VTI1A: variants seen among roughly 807,000 people sequenced by gnomAD.
VTI1A encodes vesicle transport through interaction with t-SNAREs homolog 1A.
A neutral mutation model predicts 34.9 loss-of-function variants in VTI1A; 22 were observed. That is an observed-to-expected ratio of 0.63 (90% CI 0.45 to 0.90). The LOEUF (loss-of-function observed/expected upper bound fraction) is 0.90, where lower values mean the gene tolerates loss of function less well. Ranked by LOEUF, VTI1A falls within the 40% of genes least tolerant of loss-of-function variation. The pLI, the probability that VTI1A is intolerant of heterozygous loss-of-function variation, is 0.00. For synonymous variants in VTI1A, 87 were observed against 97.3 expected (o/e 0.89, Z 0.62); for missense variants, 268 against 275.6 (o/e 0.97, Z 0.20).
Position 112,538,561 on chromosome 10 carries a change from T to C in VTI1A, c.427+231T>C, listed in dbSNP as rs7895355. 3.6e-3 allele frequency: 1,548 copies of C among 431,736 alleles called. 21 individuals carry two copies. Among genetic ancestry groups the C allele is most frequent in the African/African-American group, 0.029 (1,406 of 48,948 alleles). 26.7% of individuals were successfully genotyped at this position (431,736 alleles called of 1,614,324 possible). On this transcript the variant is annotated intron_variant, in intron 5 of 7. Coordinates refer to ENST00000393077, the MANE Select transcript of VTI1A (RefSeq NM_145206.4). ...TTAAAAGTATACATCTGAAAAGAGATGGAATACTTTGTCTAAATTCTACAT... is the reference window on the plus strand; with the variant it reads ...TTAAAAGTATACATCTGAAAAGAGACGGAATACTTTGTCTAAATTCTACAT...
intron 7 of VTI1A, among the ~76,000 whole-genome samples, chr10:112,769,432 C>G (rs759837550): frequency 1.7e-4 from 26 of 152,166 alleles, no homozygotes; most frequent in Admixed American, 6.5e-4. Flanking sequence ...AGTGAGTTGA[C>G]TTAAAGTCCA....
chr10:112,622,346 G>T (rs1355799314), intron 5 of VTI1A, among the ~76,000 whole-genome samples: 1 of 151,878 alleles, frequency 6.6e-6, no homozygotes, highest in African/African-American at 2.4e-5. Context: ...AGCTTCCTCT[G>T]CCTTTTACTG....
chr10:112,555,510 A>G (rs1851512102), intron 5 of VTI1A, among the ~76,000 whole-genome samples: 1 of 152,022 alleles, frequency 6.6e-6, no homozygotes, highest in South Asian at 2.1e-4. Flanking sequence ...TGGCTTCATA[A>G]TGGTGATTTC....
rs375275289 is a variant in VTI1A at position 112,682,501 on chromosome 10, A to G, written c.560+13503A>G. On this transcript the variant is annotated intron_variant, in intron 7 of 7. Coordinates refer to ENST00000393077, the MANE Select transcript of VTI1A (RefSeq NM_145206.4). ...ACCAGAATGCTAAGTGTTAAATATG[A>G]GTAGAAAACTCAAAAGTCAGATTTA... 2.6e-5 allele frequency among the ~76,000 whole-genome samples: 4 copies of G among 152,230 alleles called. No homozygotes were observed. The South Asian group carries it at 8.3e-4, about 31-fold the overall frequency.
chr10:112,701,259 C>T (rs1052296200), intron 7 of VTI1A, among the ~76,000 whole-genome samples: 1 of 152,220 alleles, frequency 6.6e-6, no homozygotes, highest in African/African-American at 2.4e-5. Flanking sequence ...CAGAAACCAA[C>T]AACTAGACCA....
chr10:112,774,836 C>T (rs1450406065), intron 7 of VTI1A, among the ~76,000 whole-genome samples: 1 of 152,082 alleles, frequency 6.6e-6, no homozygotes, highest in Non-Finnish European at 1.5e-5. Context: ...CGGAGAAGCC[C>T]CCCTCCTGAG....
At chr10:112,611,303 T>G (rs1283785937) in intron 5 of VTI1A, among the ~76,000 whole-genome samples, 1 of 152,230 alleles carries the variant, frequency 6.6e-6, no homozygotes, top group Non-Finnish European at 1.5e-5. Flanking sequence ...TTCTCTACTC[T>G]TTTTATTGCC....
At chr10:112,707,461 G>C (rs1849239439) in intron 7 of VTI1A, among the ~76,000 whole-genome samples, 1 of 152,126 alleles carries the variant, frequency 6.6e-6, no homozygotes, top group African/African-American at 2.4e-5. Flanking sequence ...AGCCTCCTGA[G>C]TAGCTGGGAT....
intron 5 of VTI1A, among the ~76,000 whole-genome samples, chr10:112,575,715 CTA>C (rs1852306787): frequency 6.6e-6 from 1 of 152,200 alleles, no homozygotes; most frequent in Non-Finnish European, 1.5e-5. Context: ...AAGGATGGCA[CTA>C]TGTTATTCTT....
At chr10:112,510,757 A>G (rs971175417) in intron 3 of VTI1A, among the ~76,000 whole-genome samples, 33 of 152,250 alleles carry the variant, frequency 2.2e-4, no homozygotes, top group African/African-American at 7.5e-4. Context: ...TTTTGAACTG[A>G]TAACTTTGAA....
Position 112,573,774 on chromosome 10 carries a change from A to G in VTI1A, c.427+35444A>G, listed in dbSNP as rs904417194. Among the ~76,000 whole-genome samples, 4 of 152,244 alleles carry G rather than the reference A, an allele frequency of 2.6e-5. No individual in the cohort carries two copies. The East Asian group carries it at 7.7e-4, about 29-fold the overall frequency. On this transcript the variant is annotated intron_variant, in intron 5 of 7. Coordinates refer to ENST00000393077, the MANE Select transcript of VTI1A (RefSeq NM_145206.4). ...AGATCTAGTTGTGAAAGCCGTTCAG[A>G]ACAGCAAAGCTGTCTTATTGCCTGA...
chr10:112,502,492 G>C (rs764280279), intron 3 of VTI1A, among the ~76,000 whole-genome samples: 10 of 152,156 alleles, frequency 6.6e-5, no homozygotes, highest in Non-Finnish European at 1.0e-4. Context: ...AGAATTGAAT[G>C]GTTAACAAAT....
intron 7 of VTI1A, among the ~76,000 whole-genome samples, chr10:112,771,174 T>G (rs1851804958): frequency 6.6e-6 from 1 of 152,250 alleles, no homozygotes; most frequent in African/African-American, 2.4e-5. Context: ...TCTTACTAGC[T>G]GTCTGACCTT....
intron 3 of VTI1A, among the ~76,000 whole-genome samples, chr10:112,511,445 T>C (rs1424951847): frequency 3.3e-5 from 5 of 152,098 alleles, no homozygotes; most frequent in Non-Finnish European, 7.4e-5. Flanking sequence ...GGTTTCACCA[T>C]GTTGGCCAAG....
chr10:112,533,148 A>T (rs1439570547), intron 4 of VTI1A, among the ~76,000 whole-genome samples: 1 of 152,064 alleles, frequency 6.6e-6, no homozygotes, highest in Non-Finnish European at 1.5e-5. Context: ...ACATCCTGAA[A>T]ACTTGTATAT....
chr10:112,814,131 A>T (rs1590210101), intron 7 of VTI1A, among the ~76,000 whole-genome samples: 1 of 152,296 alleles, frequency 6.6e-6, no homozygotes, highest in African/African-American at 2.4e-5. Context: ...TACCCTGCAA[A>T]GATTTTTTTG....
chr10:112,667,309 G>A (rs1278189623), intron 5 of VTI1A, among the ~76,000 whole-genome samples: 1 of 152,126 alleles, frequency 6.6e-6, no homozygotes, highest in East Asian at 1.9e-4. Context: ...GATTATAAGA[G>A]AGGCATCCTT....
downstream of VTI1A, among the ~76,000 whole-genome samples, chr10:112,821,907 C>T (rs1853661522): frequency 6.6e-6 from 1 of 152,202 alleles, no homozygotes; most frequent in African/African-American, 2.4e-5. Flanking sequence ...TTGAGGGATG[C>T]CAGGCCCCTG....
At position 112,494,815 on chromosome 10, in the gene VTI1A, G is replaced by C. The variant is rs565163309; in HGVS notation, c.264+30158G>C. 2.0e-5 allele frequency among the ~76,000 whole-genome samples: 3 copies of C among 152,140 alleles called. No homozygotes were observed. The East Asian group carries it at 5.8e-4, about 29-fold the overall frequency. On this transcript the variant is annotated intron_variant, in intron 3 of 7. Transcript: ENST00000393077. ...AGGCATGAGCCACCGCACCCAGCCA[G>C]ATCTTTCTTTCTTTCTTAAGACAAG...
Sources: gnomAD v4.1 joint callset for allele counts (sites outside exome capture counted in the v4.1 genomes callset) on GRCh38, gnomAD v4.1.1 for gene constraint, MANE v1.5 for transcripts, NCBI Gene and HGNC (gene_info 2026-07-23, HGNC 2026-07-21) for gene names.